Variants in CDH8 observed in about 807,000 individuals in gnomAD.
CDH8 encodes the protein cadherin 8.
Under a neutral mutation model 68.1 loss-of-function variants are expected in CDH8, and 17 were observed. The observed-to-expected ratio is 0.25, with a 90% CI of 0.17 to 0.37. The LOEUF is 0.37. CDH8 is among the 10% of genes least tolerant of loss of function. The probability of loss-of-function intolerance (pLI) is 1.00; values close to 1 mark genes in which losing one functional copy is unlikely to be tolerated. For synonymous variants in CDH8, 372 were observed against 365.1 expected, an observed-to-expected ratio of 1.02 and a Z score of -0.21; for missense variants, 763 against 999.3, an observed-to-expected ratio of 0.76 and a Z score of 3.19.
chr16:62,018,346 G>GC (rs932713498), intron 2 of CDH8, among the ~76,000 whole-genome samples: 1 of 152,134 alleles, frequency 6.6e-6, no homozygotes, highest in African/African-American at 2.4e-5. Context: ...GGTCAGAGGC[G>GC]CCGCCATGGT....
intron 10 of CDH8, among the ~76,000 whole-genome samples, chr16:61,684,344 T>C (rs963781549): frequency 6.6e-6 from 1 of 151,982 alleles, no homozygotes; most frequent in Non-Finnish European, 1.5e-5. Context: ...TTATTCACTC[T>C]CATTCATTCA....
intron 4 of CDH8, among the ~76,000 whole-genome samples, chr16:61,828,813 A>G (rs904509559): frequency 6.6e-6 from 1 of 151,800 alleles, no homozygotes; most frequent in African/African-American, 2.4e-5. Context: ...AACTCATCCA[A>G]ACTCCATATC....
intron 8 of CDH8, among the ~76,000 whole-genome samples, chr16:61,783,395 T>C (rs1477997840): frequency 6.7e-6 from 1 of 148,718 alleles, no homozygotes; most frequent in African/African-American, 2.5e-5. Flanking sequence ...GAAAAAAGAA[T>C]AAAAAGAAAT....
Position 62,019,054 on chromosome 16 carries a change from C to T in CDH8, c.252+2098G>A, listed in dbSNP as rs1902010735. 2.6e-5 allele frequency among the ~76,000 whole-genome samples: 4 copies of T among 152,182 alleles called. No homozygotes were observed. In the South Asian group the frequency reaches 8.3e-4, roughly 31 times the overall value. ...TTTGTTATTTACATTATGCAAGACA[C>T]AGTCAGAGTGATATACCTTCATAAA... On this transcript the variant is annotated intron_variant, in intron 2 of 11. Coordinates refer to ENST00000577390, the MANE Select transcript of CDH8 (RefSeq NM_001796.5).
chr16:61,852,897 T>TCTTCCTTCCTTCCTTCCTTCCTTCCTTC lies in CDH8; in HGVS notation c.667+4221_667+4222insGAAGGAAGGAAGGAAGGAAGGAAGGAAG, dbSNP rs61658186. Among the ~76,000 whole-genome samples the TCTTCCTTCCTTCCTTCCTTCCTTCCTTC allele has an allele frequency of 1.6e-3, 199 of 121,250 alleles. 2 individuals carry two copies. Among genetic ancestry groups the TCTTCCTTCCTTCCTTCCTTCCTTCCTTC allele is most frequent in the East Asian group, 7.7e-3 (34 of 4,422 alleles). The allele number at this position is 121,250 out of a possible 152,430, so 79.5% of individuals were successfully genotyped here. Reference sequence around the variant, plus strand: ...TCCTTCCTTCCTTCCTTCCTTCCATTCTTCCTTCCTTCCTTCCTTCCTTCC... The same window carrying TCTTCCTTCCTTCCTTCCTTCCTTCCTTC: ...TCCTTCCTTCCTTCCTTCCTTCCATTCTTCCTTCCTTCCTTCCTTCCTTCCTTCCTTCCTTCCTTCCTTCCTTCCTTCC... On this transcript the variant is annotated intron_variant, in intron 4 of 11. Transcript: ENST00000577390.
intron 10 of CDH8, among the ~76,000 whole-genome samples, chr16:61,677,329 C>T (rs1411358022): frequency 1.3e-5 from 2 of 151,190 alleles, no homozygotes; most frequent in African/African-American, 4.9e-5. Context: ...GGTACTTTTC[C>T]TTACTGGCAT....
At chr16:61,930,683 G>C (rs540898026) in intron 2 of CDH8, among the ~76,000 whole-genome samples, 8 of 152,254 alleles carry the variant, frequency 5.3e-5, no homozygotes, top group Non-Finnish European at 4.4e-5. Flanking sequence ...ATAAAAATAA[G>C]CCATAAACTC....
chr16:61,967,726 G>T (rs186412332), intron 2 of CDH8, among the ~76,000 whole-genome samples: 1 of 152,244 alleles, frequency 6.6e-6, no homozygotes. Flanking sequence ...GATTTTGAAG[G>T]CTTTTGGATT....
chr16:61,851,886 A>G (rs976060879), intron 4 of CDH8, among the ~76,000 whole-genome samples: 1 of 151,904 alleles, frequency 6.6e-6, no homozygotes, highest in Non-Finnish European at 1.5e-5. Context: ...TATGAACTAT[A>G]CTGCTTGAAA....
At chr16:61,894,359 G>C (rs1374575053) in intron 3 of CDH8, among the ~76,000 whole-genome samples, 1 of 152,126 alleles carries the variant, frequency 6.6e-6, no homozygotes, top group African/African-American at 2.4e-5. Context: ...CGTTAGTGTG[G>C]TTCTAGATAT....
chr16:61,784,283 A>G (rs1301898332), intron 8 of CDH8, among the ~76,000 whole-genome samples: 6 of 151,908 alleles, frequency 3.9e-5, no homozygotes. Flanking sequence ...CAGGGGTTGC[A>G]ATCCTAGTAT....
Position 61,653,840 on chromosome 16 carries a change from T to C in CDH8, c.2168A>G (p.Glu723Gly), listed in dbSNP as rs1319979825. The change falls in exon 12 of 12, where the codon GAA (glutamate) becomes GGA (glycine). Residue 723 changes from glutamate to glycine, a missense_variant. Physicochemically the swap from Glu to Gly is moderately conservative, Grantham distance 98. This residue lies in a region of CDH8 where 397 missense variants were observed against 436.2 expected (regional missense o/e 0.91). Transcript: ENST00000577390. The part of the protein sequence containing the change: ...APVPNGVDVD[E>G]FINVRLHEAD... ...CTCATGCAGCCTTACATTTATAAAT[T>C]CATCGACATCAACACCATTTGGAAC... 2.5e-6 allele frequency: 4 copies of C among 1,614,164 alleles called. No individual in the cohort carries two copies. Among genetic ancestry groups the C allele is most frequent in the East Asian group, 2.2e-5 (1 of 44,866 alleles).
chr16:61,757,679 AAAT>A (rs1182543349), intron 8 of CDH8, among the ~76,000 whole-genome samples: 26 of 152,114 alleles, frequency 1.7e-4, no homozygotes, highest in Admixed American at 6.6e-4. Flanking sequence ...CTTGGAATGC[AAAT>A]ACCAGGCCAT....
intron 10 of CDH8, among the ~76,000 whole-genome samples, chr16:61,675,203 T>A (rs988425055): frequency 4.6e-5 from 7 of 152,086 alleles, no homozygotes; most frequent in African/African-American, 1.4e-4. Context: ...GGTTCCCAAA[T>A]GTCCAACAAT....
At chr16:61,981,944 C>T (rs1410020784) in intron 2 of CDH8, among the ~76,000 whole-genome samples, 3 of 152,054 alleles carry the variant, frequency 2.0e-5, no homozygotes, top group Non-Finnish European at 4.4e-5. Context: ...TCACTTCATT[C>T]TCTCCTTCCT....
intron 2 of CDH8, among the ~76,000 whole-genome samples, chr16:61,910,970 G>C (rs561617413): frequency 2.6e-4 from 40 of 152,102 alleles, no homozygotes; most frequent in Non-Finnish European, 5.4e-4. Context: ...AATAAGCAAT[G>C]ATATAAAATA....
At position 62,026,661 on chromosome 16, in the gene CDH8, A is replaced by G. The variant is rs1444482351; in HGVS notation, c.-199-5059T>C. Among the ~76,000 whole-genome samples the G allele has an allele frequency of 2.0e-5, 3 of 152,330 alleles. No homozygotes were observed. The South Asian group carries it at 6.2e-4, about 32-fold the overall frequency. ...TTTCCTCTCCTCACAGATCTATTTT[A>G]TGTGAGGCACTGGGAAAATTGCTGA... On this transcript the variant is annotated intron_variant, in intron 1 of 11. Coordinates refer to ENST00000577390, the MANE Select transcript of CDH8 (RefSeq NM_001796.5).
Position 61,894,286 on chromosome 16 carries a change from G to A in CDH8, c.547+6893C>T, listed in dbSNP as rs118126722. Among the ~76,000 whole-genome samples, 679 of 152,212 alleles carry A rather than the reference G, an allele frequency of 4.5e-3. 4 individuals carry two copies. Among genetic ancestry groups the A allele is most frequent in the Non-Finnish European group, 7.1e-3 (484 of 68,006 alleles). On this transcript the variant is annotated intron_variant, in intron 3 of 11. Transcript: ENST00000577390. ...AAATTCTATAAAACAATTGTTCCAC[G>A]GTCAGGTGTGAAAGTCATAAGTGAA...
At chr16:61,719,216 G>C (rs1165325246) in intron 9 of CDH8, among the ~76,000 whole-genome samples, 1 of 150,356 alleles carries the variant, frequency 6.7e-6, no homozygotes, top group Non-Finnish European at 1.5e-5. Flanking sequence ...CTGACATACA[G>C]GAAATACAGC....
Sources: gnomAD v4.1 joint callset for allele counts (sites outside exome capture counted in the v4.1 genomes callset) on GRCh38, gnomAD v4.1.1 for gene constraint, gnomAD v4.1.1 regional missense constraint, MANE v1.5 for transcripts, NCBI Gene and HGNC (gene_info 2026-07-23, HGNC 2026-07-21) for gene names.